TBC1D16: variants seen among roughly 807,000 people sequenced by gnomAD.
The protein encoded by TBC1D16 is TBC1 domain family member 16, also known as CTD-2529O21.1.
A neutral mutation model predicts 74.7 loss-of-function variants in TBC1D16; 58 were observed. The observed-to-expected ratio is 0.78, with a 90% CI of 0.63 to 0.97. The LOEUF (loss-of-function observed/expected upper bound fraction) is 0.97, where lower values mean the gene tolerates loss of function less well. Ranked by LOEUF, TBC1D16 falls within the 50% of genes least tolerant of loss-of-function variation. The pLI is 0.00. For synonymous variants in TBC1D16, 493 were observed against 474.7 expected (o/e 1.04, Z -0.50); for missense variants, 1,014 against 1,079.5 (o/e 0.94, Z 0.85).
intron 9 of TBC1D16, among the ~76,000 whole-genome samples, chr17:79,945,472 GC>G (rs34490110): frequency 2.6e-5 from 4 of 152,066 alleles, no homozygotes; most frequent in Non-Finnish European, 5.9e-5. Context: ...CATCCAGGGA[GC>G]CCCCCCACCC....
chr17:80,025,036 T>C (rs796116792), intron 1 of TBC1D16, among the ~76,000 whole-genome samples: 8 of 2,614 alleles, frequency 3.1e-3, no homozygotes, highest in African/African-American at 4.9e-3. Flanking sequence ...GATGCACACA[T>C]ACCATGACAC....
intron 5 of TBC1D16, 49 bp downstream of exon 5, chr17:79,951,401 G>C (rs376378800): frequency 1.1e-4 from 177 of 1,594,946 alleles, no homozygotes; most frequent in Non-Finnish European, 1.5e-4. Context: ...GCCCGTGGGG[G>C]GTGGGGAGTG....
rs1313464853 is a variant in TBC1D16, at chr17:79,956,940, G to GT, written c.780-4123dup. The stretch of plus-strand genomic sequence containing the variant: ...CTGGAGGCACGTTGCTGGGGGAGGT[G>GT]TGCGGTGGCTCCTGGGTCCAGGACT... On this transcript the variant is annotated intron_variant, in intron 3 of 11. Coordinates refer to ENST00000310924, the MANE Select transcript of TBC1D16 (RefSeq NM_019020.4). This position sits in a 1 kb window ranked among gnomAD's most constrained non-coding sequence, Gnocchi z 4.0. Among the ~76,000 whole-genome samples the GT allele has an allele frequency of 6.6e-6, 1 of 152,206 alleles. No homozygotes were observed. The highest frequency in any genetic ancestry group is 1.9e-4 in the East Asian group (1 of 5,192).
intron 1 of TBC1D16, among the ~76,000 whole-genome samples, chr17:80,034,763 A>G (rs11657494): frequency 0.069 from 10,506 of 152,294 alleles, 452 homozygotes; most frequent in East Asian, 0.17. Flanking sequence ...ATGGATTTGA[A>G]AAAGTGTTCT....
At chr17:80,019,213 G>A (rs74889067) in intron 1 of TBC1D16, among the ~76,000 whole-genome samples, 2,710 of 150,236 alleles carry the variant, frequency 0.018, 93 homozygotes, top group Non-Finnish European at 0.027. Flanking sequence ...AGGAGATTCC[G>A]AAATACAAGT....
rs924007095 is a variant in TBC1D16, at chr17:80,009,375, C to T, written c.779+785G>A. Among the ~76,000 whole-genome samples the T allele has an allele frequency of 3.9e-5, 6 of 152,224 alleles. No individual in the cohort carries two copies. The highest frequency in any genetic ancestry group is 6.5e-5 in the Admixed American group (1 of 15,288). On this transcript the variant is annotated intron_variant, in intron 3 of 11. Coordinates refer to ENST00000310924, the MANE Select transcript of TBC1D16 (RefSeq NM_019020.4). This position sits in a 1 kb window ranked among gnomAD's most constrained non-coding sequence, Gnocchi z 5.4. ...GGGGCTCCGGGCTTATGCGACCACA[C>T]GGGCACTCACCCCAAGGCCATGAGG...
intron 3 of TBC1D16, among the ~76,000 whole-genome samples, chr17:79,959,434 T>C (rs963059703): frequency 1.3e-5 from 2 of 152,076 alleles, no homozygotes; most frequent in Non-Finnish European, 2.9e-5. Context: ...AGAGCGACTA[T>C]AAAAAAGAAG....
chr17:80,028,649 A>G (rs1193699579), intron 1 of TBC1D16, among the ~76,000 whole-genome samples: 1 of 146,974 alleles, frequency 6.8e-6, no homozygotes. Flanking sequence ...TTTGAGACAG[A>G]GTCTCGCTCT....
At chr17:80,012,434 T>A (rs2035930086) in intron 2 of TBC1D16, among the ~76,000 whole-genome samples, 1 of 152,158 alleles carries the variant, frequency 6.6e-6, no homozygotes, top group South Asian at 2.1e-4. Flanking sequence ...AAAGATACAC[T>A]TATCAAGGCA....
At position 80,008,082 on chromosome 17, in the gene TBC1D16, C is replaced by T. The variant is rs2035745361; in HGVS notation, c.779+2078G>A. 6.6e-6 allele frequency among the ~76,000 whole-genome samples: 1 copy of T among 152,050 alleles called. No individual in the cohort carries two copies. The highest frequency in any genetic ancestry group is 1.9e-4 in the East Asian group (1 of 5,178). The stretch of plus-strand genomic sequence containing the variant: ...ACACCCCCTGGGCACAGACTCGGCC[C>T]CGGGTGAGAATCACTGCTCTAGAAG... On this transcript the variant is annotated intron_variant, in intron 3 of 11. Coordinates refer to ENST00000310924, the MANE Select transcript of TBC1D16 (RefSeq NM_019020.4). The surrounding 1 kb of genome is among the most constrained non-coding windows in gnomAD (Gnocchi z 4.5).
chr17:80,020,057 C>CT (rs1192080801), intron 1 of TBC1D16, among the ~76,000 whole-genome samples: 1 of 149,476 alleles, frequency 6.7e-6, no homozygotes, highest in East Asian at 1.9e-4. Flanking sequence ...TAGCAGGTGC[C>CT]TATATACAAG....
intron 3 of TBC1D16, among the ~76,000 whole-genome samples, chr17:79,978,697 T>C (rs1334469432): frequency 1.3e-5 from 2 of 152,246 alleles, no homozygotes; most frequent in Non-Finnish European, 2.9e-5. Flanking sequence ...GACGTGCACG[T>C]GATGCCGTAC....
intron 3 of TBC1D16, among the ~76,000 whole-genome samples, chr17:79,963,636 AT>A (rs2033718098): frequency 6.6e-6 from 1 of 151,958 alleles, no homozygotes; most frequent in Admixed American, 6.6e-5. Context: ...TCTATTTTTA[AT>A]TTTTTGAGGA....
At chr17:80,026,455 G>T (rs2036585307) in intron 1 of TBC1D16, among the ~76,000 whole-genome samples, 1 of 149,512 alleles carries the variant, frequency 6.7e-6, no homozygotes. Flanking sequence ...TTCTGGGGGA[G>T]GGGGGAATCT....
chr17:80,007,710 G>A lies in TBC1D16; in HGVS notation c.779+2450C>T, dbSNP rs2035731082. On this transcript the variant is annotated intron_variant, in intron 3 of 11. Transcript: ENST00000310924. The surrounding 1 kb of genome is among the most constrained non-coding windows in gnomAD (Gnocchi z 4.5). ...GGCCGGTTAGGAGAGAGGGGAAGGA[G>A]GAAGCCTAGGTAGAGGGGATCCCTA... Among the ~76,000 whole-genome samples the A allele has an allele frequency of 6.6e-6, 1 of 152,176 alleles. No homozygotes were observed. Among genetic ancestry groups the A allele is most frequent in the Admixed American group, 6.5e-5 (1 of 15,274 alleles).
At chr17:80,017,426 A>C (rs1246441845) in intron 1 of TBC1D16, among the ~76,000 whole-genome samples, 1 of 152,138 alleles carries the variant, frequency 6.6e-6, no homozygotes, top group Non-Finnish European at 1.5e-5. Context: ...TCACGCCTGT[A>C]ATCTTGGTAC....
intron 1 of TBC1D16, among the ~76,000 whole-genome samples, chr17:80,027,237 C>T (rs755038537): frequency 3.3e-5 from 5 of 152,226 alleles, no homozygotes; most frequent in African/African-American, 9.6e-5. Context: ...CCGAGGTGGG[C>T]GGATCGCCTG....
rs150270540 is a variant in TBC1D16 at position 79,990,019 on chromosome 17, A to G, written c.779+20141T>C. Among the ~76,000 whole-genome samples, 20 of 152,256 alleles carry G rather than the reference A, an allele frequency of 1.3e-4. No individual in the cohort carries two copies. The East Asian group carries it at 3.9e-3, about 29-fold the overall frequency. ...TCAGATTTCCCAGTTCCCAGAAGAC[A>G]ACAGGGAGAGTCTATTTTTCTAAGC... On this transcript the variant is annotated intron_variant, in intron 3 of 11. Coordinates refer to ENST00000310924, the MANE Select transcript of TBC1D16 (RefSeq NM_019020.4). This position sits in a 1 kb window ranked among gnomAD's most constrained non-coding sequence, Gnocchi z 4.8.
intron 10 of TBC1D16, 67 bp from the exon 11 acceptor site, chr17:79,942,273 A>G (rs2143418242): frequency 6.7e-7 from 1 of 1,486,174 alleles, no homozygotes; most frequent in East Asian, 2.5e-5. Context: ...TCAGGGGGAA[A>G]CTGAGTGCCA....
Sources: gnomAD v4.1 joint callset for allele counts (sites outside exome capture counted in the v4.1 genomes callset) on GRCh38, gnomAD v4.1.1 for gene constraint, Gnocchi (gnomAD v3.1) non-coding constraint, MANE v1.5 for transcripts, NCBI Gene and HGNC (gene_info 2026-07-23, HGNC 2026-07-21) for gene names.